Variants in ITGA6 observed in about 807,000 individuals in gnomAD.
The protein encoded by ITGA6 is integrin alpha-6.
A neutral mutation model predicts 133.6 loss-of-function variants in ITGA6; 63 were observed. That is an observed-to-expected ratio of 0.47 (90% CI 0.38 to 0.58). The LOEUF (loss-of-function observed/expected upper bound fraction) is 0.58, where lower values mean the gene tolerates loss of function less well. ITGA6 is among the 20% of genes least tolerant of loss of function. The pLI is 0.00. For missense variants in ITGA6, 1,068 were observed against 1,309.4 expected, an observed-to-expected ratio of 0.82 and a Z score of 2.85; for synonymous variants, 434 against 482.0, an observed-to-expected ratio of 0.90 and a Z score of 1.30.
chr2:172,478,230 A>G (rs1231909314), intron 9 of ITGA6, among the ~76,000 whole-genome samples: 1 of 152,198 alleles, frequency 6.6e-6, no homozygotes, highest in African/African-American at 2.4e-5. Context: ...AAAACAGGGA[A>G]TGTGGGCAGT....
At chr2:172,486,552 G>A (rs1318979500) in intron 13 of ITGA6, among the ~76,000 whole-genome samples, 1 of 152,138 alleles carries the variant, frequency 6.6e-6, no homozygotes, top group East Asian at 1.9e-4. Context: ...CATAATAATA[G>A]TATCTTTTTA....
chr2:172,438,389 A>G (rs1684410720), intron 1 of ITGA6, among the ~76,000 whole-genome samples: 1 of 151,674 alleles, frequency 6.6e-6, no homozygotes, highest in Non-Finnish European at 1.5e-5. Context: ...GTGGAAGGGC[A>G]TGGGGTTTTT....
intron 1 of ITGA6, among the ~76,000 whole-genome samples, chr2:172,441,356 T>TA (rs1375901087): frequency 6.6e-6 from 1 of 152,066 alleles, no homozygotes; most frequent in Non-Finnish European, 1.5e-5. Flanking sequence ...CCTAGAGCTT[T>TA]AACAGAGCCT....
rs10930559 is a variant in ITGA6, at chr2:172,488,096, C to T, written c.2403-30C>T. 97,309 of 1,607,654 alleles carry T rather than the reference C, an allele frequency of 0.061. 4,050 individuals carry two copies. The highest frequency in any genetic ancestry group is 0.24 in the East Asian group (10,880 of 44,820). On this transcript the variant is annotated intron_variant, in intron 18 of 25. Transcript: ENST00000684293. ...GTTTGAAAGAACCATTTACAATCCT[C>T]ATTAAAACTGGTGTTTTTTAATTTG... is the stretch of plus-strand genomic sequence containing the variant.
intron 1 of ITGA6, among the ~76,000 whole-genome samples, chr2:172,441,165 G>C (rs1226993348): frequency 6.6e-6 from 1 of 152,038 alleles, no homozygotes; most frequent in African/African-American, 2.4e-5. Context: ...GAGTTTAATA[G>C]GCTCTCTTTT....
chr2:172,473,588 C>T (rs1686037804), intron 5 of ITGA6, among the ~76,000 whole-genome samples: 1 of 152,126 alleles, frequency 6.6e-6, no homozygotes, highest in Non-Finnish European at 1.5e-5. Flanking sequence ...TTATTTTATT[C>T]CTGTAAAAAT....
intron 17 of ITGA6, 56 bp downstream of exon 17, chr2:172,487,863 C>A: frequency 6.8e-7 from 1 of 1,481,226 alleles, no homozygotes; most frequent in South Asian, 1.1e-5. Context: ...TATGGGCAGT[C>A]AATGAATTGG....
intron 9 of ITGA6, among the ~76,000 whole-genome samples, chr2:172,478,104 T>C (rs1686258107): frequency 6.6e-6 from 1 of 152,232 alleles, no homozygotes; most frequent in African/African-American, 2.4e-5. Context: ...CTGTGGCAAC[T>C]GTGCCTTTTA....
chr2:172,446,214 A>G (rs772541230), intron 1 of ITGA6, among the ~76,000 whole-genome samples: 49 of 152,236 alleles, frequency 3.2e-4, no homozygotes, highest in Non-Finnish European at 4.4e-4. Context: ...GAGTAGTAAA[A>G]TGGGTATGGT....
intron 1 of ITGA6, among the ~76,000 whole-genome samples, chr2:172,454,157 C>T (rs1259846414): frequency 2.7e-5 from 4 of 150,408 alleles, no homozygotes; most frequent in African/African-American, 9.8e-5. Context: ...CATCTCGGCT[C>T]ACTGCAACCT....
rs16860642 is a variant in ITGA6 at position 172,506,442 on chromosome 2, T to C, written c.*2374T>C. Among the ~76,000 whole-genome samples, 5,366 of 152,210 alleles carry C rather than the reference T, an allele frequency of 0.035. 244 individuals are homozygous for C. Among genetic ancestry groups the C allele is most frequent in the African/African-American group, 0.11 (4,441 of 41,510 alleles). On this transcript the variant is annotated 3_prime_UTR_variant, in exon 26 of 26. Transcript: ENST00000684293. ...TTTATGATTAAAAGAAACCTACAGG[T>C]ATTTAACAACCTACAAATTGGGAGT...
chr2:172,503,175 T>A (rs1287093621), intron 25 of ITGA6, among the ~76,000 whole-genome samples: 1 of 152,176 alleles, frequency 6.6e-6, no homozygotes. Flanking sequence ...ATCAATATCC[T>A]CATTCTTCTA....
intron 5 of ITGA6, among the ~76,000 whole-genome samples, chr2:172,471,353 G>A (rs541880536): frequency 6.6e-5 from 10 of 152,208 alleles, no homozygotes; most frequent in South Asian, 2.1e-4. Flanking sequence ...AAAATCATCC[G>A]TCCTCCCTCC....
In ITGA6 at chr2:172,430,415, C is replaced by T. The variant is rs111627564; in HGVS notation, c.182+2445C>T. Among the ~76,000 whole-genome samples the T allele has an allele frequency of 5.7e-3, 863 of 152,174 alleles. 12 individuals carry two copies. The highest frequency in any genetic ancestry group is 0.02 in the African/African-American group (821 of 41,498). ...TTTAAACTCAGTCATATTTATGAAA[C>T]CCATGTTCAAAGCAACTTAACTTTA... On this transcript the variant is annotated intron_variant, in intron 1 of 25. Coordinates refer to ENST00000684293, the MANE Select transcript of ITGA6 (RefSeq NM_000210.4).
chr2:172,501,957 G>A (rs1687364776), intron 25 of ITGA6, 56 bp downstream of exon 25: 1 of 1,523,696 alleles, frequency 6.6e-7, no homozygotes, highest in Non-Finnish European at 8.9e-7. Flanking sequence ...GGTTGTGGTG[G>A]CTAACTTTAA....
intron 23 of ITGA6, among the ~76,000 whole-genome samples, chr2:172,496,513 T>G (rs1259812723): frequency 3.9e-5 from 6 of 152,182 alleles, no homozygotes; most frequent in Non-Finnish European, 2.9e-5. Flanking sequence ...GATGAGAGAT[T>G]TTTTTAAAGA....
chr2:172,467,766 C>T (rs1685744496), intron 3 of ITGA6, among the ~76,000 whole-genome samples: 1 of 152,166 alleles, frequency 6.6e-6, no homozygotes, highest in Non-Finnish European at 1.5e-5. Context: ...GCGGGCGGAT[C>T]ACCTGAGGTC....
chr2:172,450,375 G>A (rs1684937470), intron 1 of ITGA6, among the ~76,000 whole-genome samples: 1 of 152,192 alleles, frequency 6.6e-6, no homozygotes, highest in South Asian at 2.1e-4. Flanking sequence ...TGATGTGATG[G>A]TGACTCAGGC....
intron 10 of ITGA6, 89 bp from the exon 11 acceptor site, chr2:172,479,901 T>G: frequency 1.9e-6 from 2 of 1,038,474 alleles, no homozygotes; most frequent in Non-Finnish European, 1.5e-6. Flanking sequence ...TCAATGGGCA[T>G]TGGGGGGATT....
Sources: allele counts gnomAD v4.1 joint callset (sites outside exome capture counted in the v4.1 genomes callset), GRCh38; gene constraint gnomAD v4.1.1; transcripts MANE v1.5; gene names NCBI Gene and HGNC (gene_info 2026-07-23, HGNC 2026-07-21).